The following ELAPOR2 variants were observed in gnomAD, a reference collection of about 807,000 sequenced individuals.
The protein encoded by ELAPOR2 is endosome/lysosome-associated apoptosis and autophagy regulator family member 2.
Under a neutral mutation model 120.7 loss-of-function variants are expected in ELAPOR2, and 89 were observed. The ratio of observed to expected loss-of-function variants is 0.74; its 90% confidence interval spans 0.62 to 0.88. The LOEUF (loss-of-function observed/expected upper bound fraction) is 0.88, where lower values mean the gene tolerates loss of function less well. Ranked by LOEUF, ELAPOR2 falls within the 40% of genes least tolerant of loss-of-function variation. ELAPOR2 has a pLI of 0.00. For synonymous variants in ELAPOR2, 444 were observed against 444.9 expected (o/e 1.00, Z 0.03); for missense variants, 1,134 against 1,251.6 (o/e 0.91, Z 1.42).
At chr7:87,026,177 G>A (rs1794237457) in intron 1 of ELAPOR2, among the ~76,000 whole-genome samples, 1 of 152,044 alleles carries the variant, frequency 6.6e-6, no homozygotes, top group Non-Finnish European at 1.5e-5. Flanking sequence ...GTGATTTCAT[G>A]GGTGCAGAGG....
At chr7:87,052,216 G>C (rs1049653937) in intron 1 of ELAPOR2, among the ~76,000 whole-genome samples, 1 of 152,184 alleles carries the variant, frequency 6.6e-6, no homozygotes, top group African/African-American at 2.4e-5. Context: ...ACAAAAGAAA[G>C]GGATTTAATG....
In ELAPOR2 at chr7:86,880,186, GCTTAAA is replaced by G; in HGVS notation, c.*279_*284del. 2.5e-6 allele frequency: 1 copy of G among 406,216 alleles called. No individual in the cohort carries two copies. Among genetic ancestry groups the G allele is most frequent in the Non-Finnish European group, 4.4e-6 (1 of 226,988 alleles). 25.2% of individuals were successfully genotyped at this position (406,216 alleles called of 1,614,324 possible). A position where few individuals can be genotyped will look rare whatever the true frequency, so the allele number is the denominator to read the frequency against. On this transcript the variant is annotated 3_prime_UTR_variant, in exon 22 of 22. Transcript: ENST00000450689. ...GCATGCATCAGCAGTGCATTGGTGG[GCTTAAA>G]CTTGGTTTTCAGTTATGTGTATATA...
At chr7:86,899,412 C>T (rs891596129) in intron 18 of ELAPOR2, among the ~76,000 whole-genome samples, 4 of 152,130 alleles carry the variant, frequency 2.6e-5, no homozygotes, top group Non-Finnish European at 5.9e-5. Flanking sequence ...CTTTAGACCT[C>T]AGCTGGTCCT....
At chr7:86,968,955 A>C (rs1792011318) in intron 1 of ELAPOR2, among the ~76,000 whole-genome samples, 1 of 152,196 alleles carries the variant, frequency 6.6e-6, no homozygotes, top group African/African-American at 2.4e-5. Context: ...ATAAAACAAT[A>C]AAATTCCCTA....
intron 8 of ELAPOR2, among the ~76,000 whole-genome samples, chr7:86,931,211 C>T (rs905587938): frequency 1.3e-5 from 2 of 151,700 alleles, no homozygotes; most frequent in Admixed American, 6.6e-5. Flanking sequence ...AAATTAGAGG[C>T]AATGTTTGAA....
At chr7:86,966,056 G>T in intron 1 of ELAPOR2, 1 of 640,820 alleles carries the variant, frequency 1.6e-6, no homozygotes, top group South Asian at 7.0e-5. Flanking sequence ...ATCAAGTCTG[G>T]GTTCCCGTTT....
At chr7:86,993,113 G>C (rs1486561243) in intron 1 of ELAPOR2, among the ~76,000 whole-genome samples, 1 of 151,714 alleles carries the variant, frequency 6.6e-6, no homozygotes, top group African/African-American at 2.4e-5. Flanking sequence ...GCGCGCACCT[G>C]CGGTTCCAGC....
At chr7:86,952,659 C>A (rs1272990334) in intron 2 of ELAPOR2, among the ~76,000 whole-genome samples, 1 of 152,140 alleles carries the variant, frequency 6.6e-6, no homozygotes, top group Non-Finnish European at 1.5e-5. Context: ...TTCTATCTTC[C>A]ATAAGTCTAA....
In ELAPOR2 at chr7:86,918,465, C is replaced by T; in HGVS notation, c.1570G>A (p.Asp524Asn). The T allele has an allele frequency of 6.2e-7, 1 of 1,612,602 alleles. No individual in the cohort carries two copies. Among genetic ancestry groups the T allele is most frequent in the Admixed American group, 1.7e-5 (1 of 59,926 alleles). ...TFVFETLCSADCVLYFMVDIN... is the reference protein window; with the variant it reads ...TFVFETLCSANCVLYFMVDIN... ...ACCACCATGAAGTACAAAACACAGT[C>T]AGCTGAACAGAGGGTCTCAAAGACA... Residue 524 changes from aspartate (D) to asparagine (N), a missense_variant, in exon 12 of 22, where the codon GAC becomes AAC. Coordinates refer to ENST00000450689, the MANE Select transcript of ELAPOR2 (RefSeq NM_001142749.3).
At chr7:87,027,581 T>C (rs1163300643) in intron 1 of ELAPOR2, among the ~76,000 whole-genome samples, 1 of 152,194 alleles carries the variant, frequency 6.6e-6, no homozygotes, top group East Asian at 1.9e-4. Context: ...GAGGTTATTA[T>C]GGTGAGCCAA....
At chr7:87,008,730 G>A (rs1793562393) in intron 1 of ELAPOR2, among the ~76,000 whole-genome samples, 1 of 152,142 alleles carries the variant, frequency 6.6e-6, no homozygotes, top group East Asian at 1.9e-4. Flanking sequence ...GTGATGAAGG[G>A]CCATAATGTC....
intron 2 of ELAPOR2, 48 bp from the exon 3 acceptor site, chr7:86,947,970 T>C: frequency 7.8e-7 from 1 of 1,278,176 alleles, no homozygotes; most frequent in Non-Finnish European, 1.1e-6. Context: ...TCCCATCAAT[T>C]TCCTCCCCTT....
intron 8 of ELAPOR2, among the ~76,000 whole-genome samples, chr7:86,931,651 G>C (rs981743110): frequency 9.9e-5 from 15 of 151,514 alleles, no homozygotes; most frequent in Non-Finnish European, 1.6e-4. Flanking sequence ...CTATGTGCTA[G>C]GTACTATACT....
intron 1 of ELAPOR2, among the ~76,000 whole-genome samples, chr7:87,055,845 C>A (rs1328853337): frequency 6.6e-6 from 1 of 152,098 alleles, no homozygotes; most frequent in Non-Finnish European, 1.5e-5. Flanking sequence ...GAATGTGGAA[C>A]AAAAACTGTT....
chr7:87,046,486 C>G (rs1794962579), intron 1 of ELAPOR2, among the ~76,000 whole-genome samples: 1 of 152,072 alleles, frequency 6.6e-6, no homozygotes, highest in Non-Finnish European at 1.5e-5. Flanking sequence ...CCCGAATAGC[C>G]AAAGATATCT....
intron 1 of ELAPOR2, among the ~76,000 whole-genome samples, chr7:87,040,043 G>C (rs555682074): frequency 6.6e-6 from 1 of 152,140 alleles, no homozygotes; most frequent in Non-Finnish European, 1.5e-5. Context: ...ACTCCCACTC[G>C]AATACTGCGC....
intron 18 of ELAPOR2, among the ~76,000 whole-genome samples, chr7:86,902,007 GT>G (rs1466873463): frequency 6.6e-6 from 1 of 152,180 alleles, no homozygotes; most frequent in African/African-American, 2.4e-5. Context: ...AAATTGGGTA[GT>G]TTATATATAC....
chr7:86,997,732 G>A (rs1164310543), intron 1 of ELAPOR2, among the ~76,000 whole-genome samples: 2 of 152,114 alleles, frequency 1.3e-5, no homozygotes, highest in Non-Finnish European at 2.9e-5. Flanking sequence ...CGGACCAAGG[G>A]TATCTTTGGT....
intron 1 of ELAPOR2, among the ~76,000 whole-genome samples, chr7:87,035,182 C>A (rs1159544547): frequency 3.9e-5 from 6 of 152,094 alleles, no homozygotes; most frequent in Non-Finnish European, 5.9e-5. Flanking sequence ...TGGATATACC[C>A]CTGAGCAGTC....
Sources: allele counts gnomAD v4.1 joint callset (sites outside exome capture counted in the v4.1 genomes callset), GRCh38; gene constraint gnomAD v4.1.1; transcripts MANE v1.5; gene names NCBI Gene and HGNC (gene_info 2026-07-23, HGNC 2026-07-21).